The following ZNF69 variants were observed in gnomAD, a reference collection of about 807,000 sequenced individuals.
ZNF69 encodes ZNF3.
ZNF69 carries 47 observed loss-of-function variants against 50.9 expected under a neutral mutation model. The observed-to-expected ratio is 0.92, with a 90% CI of 0.73 to 1.18. ZNF69 has a LOEUF of 1.18. Ranked by LOEUF, ZNF69 falls within the 50% of genes most tolerant of loss-of-function variation. The pLI, the probability that ZNF69 is intolerant of heterozygous loss-of-function variation, is 0.00. For synonymous variants in ZNF69, 216 were observed against 223.1 expected (o/e 0.97, Z 0.29); for missense variants, 717 against 675.1 (o/e 1.06, Z -0.69).
chr19:11,978,287 T>C, the ZNF69 span: 1 of 1,614,118 alleles, frequency 6.2e-7, no homozygotes, highest in Non-Finnish European at 8.5e-7. Flanking sequence ...ACTCATCTTT[T>C]AATATGAACA....
At chr19:11,944,850 A>G in the ZNF69 span, among the ~76,000 whole-genome samples, 1 of 152,220 alleles carries the variant, frequency 6.6e-6, no homozygotes, top group African/African-American at 2.4e-5. Flanking sequence ...TACCGGCTTA[A>G]CAACTTTTGA....
the ZNF69 span, among the ~76,000 whole-genome samples, chr19:11,935,233 G>GTT: frequency 1.9e-3 from 179 of 93,198 alleles, no homozygotes; most frequent in East Asian, 7.4e-3. Context: ...GAAAGATCTT[G>GTT]TTTTTTTTTT....
chr19:11,913,761 A>G (rs1972492908), exon 5 of ZNF69: 1 of 170,654 alleles, frequency 5.9e-6, no homozygotes, highest in South Asian at 2.0e-4. Context: ...TCTTCCCAAA[A>G]GCCAGCAGTA....
the ZNF69 span, chr19:11,950,412 CTTCA>C: frequency 2.5e-6 from 2 of 814,078 alleles, no homozygotes; most frequent in Non-Finnish European, 4.1e-6. Context: ...GTGGGAAAGC[CTTCA>C]TTCCTTTTAC....
intron 1 of ZNF69, among the ~76,000 whole-genome samples, chr19:11,888,786 G>A (rs757361161): frequency 1.9e-4 from 29 of 152,118 alleles, no homozygotes; most frequent in Admixed American, 1.0e-3. Context: ...TGGCCAACAT[G>A]GTGAAACCCC....
the ZNF69 span, among the ~76,000 whole-genome samples, chr19:11,964,175 G>T: frequency 6.6e-6 from 1 of 152,194 alleles, no homozygotes; most frequent in African/African-American, 2.4e-5. Flanking sequence ...TCCCCTACAA[G>T]TGGCCTCCAG....
At chr19:11,894,796 T>A (rs922096759) in intron 1 of ZNF69, among the ~76,000 whole-genome samples, 2 of 152,182 alleles carry the variant, frequency 1.3e-5, no homozygotes, top group Non-Finnish European at 2.9e-5. Flanking sequence ...GACACATGGC[T>A]GGTCAGCCAG....
rs1972376939 is a variant in ZNF69 at position 11,906,502 on chromosome 19, C to T, written c.*404C>T. Among the ~76,000 whole-genome samples the T allele has an allele frequency of 6.6e-6, 1 of 152,194 alleles. No homozygotes were observed. The highest frequency in any genetic ancestry group is 6.5e-5 in the Admixed American group (1 of 15,276). On this transcript the variant is annotated 3_prime_UTR_variant, in exon 4 of 4. Transcript: ENST00000429654. ...TTCCAGAGGAAGGATCAGGCAACAA[C>T]ATTTGCCGTTCTGCAATATTTGCTG...
chr19:11,921,894 T>C, the ZNF69 span, among the ~76,000 whole-genome samples: 1 of 152,316 alleles, frequency 6.6e-6, no homozygotes, highest in East Asian at 1.9e-4. Flanking sequence ...GGGTCCATCG[T>C]GAGGCAGAAA....
At chr19:11,979,484 T>G in the ZNF69 span, 1 of 1,600,888 alleles carries the variant, frequency 6.2e-7, no homozygotes, top group Non-Finnish European at 8.5e-7. Flanking sequence ...TGGGAAAGGC[T>G]TTTATTCTCC....
intron 1 of ZNF69, among the ~76,000 whole-genome samples, chr19:11,902,132 G>A (rs926793154): frequency 3.3e-5 from 5 of 151,960 alleles, no homozygotes. Context: ...ACAGGCATGT[G>A]CCGCCATGCC....
chr19:11,930,354 A>C, the ZNF69 span, among the ~76,000 whole-genome samples: 9 of 148,678 alleles, frequency 6.1e-5, no homozygotes, highest in East Asian at 1.5e-3. Flanking sequence ...GCTGTCCTAC[A>C]GGGAGGTGGT....
At chr19:11,965,984 G>GC in the ZNF69 span, among the ~76,000 whole-genome samples, 1 of 152,246 alleles carries the variant, frequency 6.6e-6, no homozygotes, top group Non-Finnish European at 1.5e-5. Flanking sequence ...AGAGTGTGAA[G>GC]TTTGTCTAAA....
the ZNF69 span, chr19:11,978,501 A>G: frequency 1.6e-5 from 26 of 1,614,122 alleles, no homozygotes; most frequent in Admixed American, 1.7e-5. Context: ...ACGCATGGTA[A>G]TGCACAGTGG....
the ZNF69 span, among the ~76,000 whole-genome samples, chr19:11,955,850 T>C: frequency 1.3e-5 from 2 of 152,238 alleles, no homozygotes; most frequent in African/African-American, 4.8e-5. Context: ...TGTTGTGATA[T>C]GTTTATATTC....
In ZNF69 at chr19:11,895,840, A is replaced by G. The variant is rs1443431181; in HGVS notation, c.64-7733A>G. Among the ~76,000 whole-genome samples, 4 of 152,260 alleles carry G rather than the reference A, an allele frequency of 2.6e-5. No homozygotes were observed. The East Asian group carries it at 7.7e-4, about 29-fold the overall frequency. On this transcript the variant is annotated intron_variant, in intron 1 of 3. Coordinates refer to ENST00000429654, the MANE Select transcript of ZNF69 (RefSeq NM_001364730.1). ...ACTGATTATTCTCCTGTAGATAACC[A>G]TTTGTCGCTGCTTTTTCTGTTAAGT...
chr19:11,963,181 T>G, the ZNF69 span, among the ~76,000 whole-genome samples: 1 of 151,660 alleles, frequency 6.6e-6, no homozygotes, highest in Non-Finnish European at 1.5e-5. Context: ...CCTCAAACTT[T>G]GAGGCTCAAG....
the ZNF69 span, chr19:11,948,551 G>A: frequency 6.2e-7 from 1 of 1,609,780 alleles, no homozygotes; most frequent in Non-Finnish European, 8.5e-7. Context: ...AAAGCCTTCA[G>A]GTATCGCCCA....
At chr19:11,965,069 G>GTGGTTGA in the ZNF69 span, 1 of 1,086,770 alleles carries the variant, frequency 9.2e-7, no homozygotes, top group South Asian at 1.3e-5. Flanking sequence ...TGCGCAGCCG[G>GTGGTTGA]TGGTTGATAT....
Sources: allele counts gnomAD v4.1 joint callset (sites outside exome capture counted in the v4.1 genomes callset), GRCh38; gene constraint gnomAD v4.1.1; transcripts MANE v1.5; gene names NCBI Gene and HGNC (gene_info 2026-07-23, HGNC 2026-07-21).